Variants in MDGA2 observed in about 807,000 individuals in gnomAD.
MDGA2 encodes MAM domain-containing glycosylphosphatidylinositol anchor protein 2.
In MDGA2, 40 loss-of-function variants were observed where a neutral mutation model predicts 117.8. The ratio of observed to expected loss-of-function variants is 0.34; its 90% CI spans 0.26 to 0.44. MDGA2 has a LOEUF of 0.44. Among genes scored for constraint, MDGA2 ranks in the 20% least tolerant of loss-of-function variants. MDGA2 has a pLI of 1.00. For missense variants in MDGA2, 1,123 were observed against 1,250.6 expected (o/e 0.90, Z 1.54); for synonymous variants, 452 against 439.0 (o/e 1.03, Z -0.37).
intron 1 of MDGA2, among the ~76,000 whole-genome samples, chr14:47,404,343 G>T (rs1231543266): frequency 6.6e-6 from 1 of 151,908 alleles, no homozygotes; most frequent in Non-Finnish European, 1.5e-5. Flanking sequence ...GCACCGCCAT[G>T]CCCAGCTGAT....
chr14:47,265,856 C>T (rs1347534898), intron 2 of MDGA2, among the ~76,000 whole-genome samples: 1 of 152,050 alleles, frequency 6.6e-6, no homozygotes, highest in Non-Finnish European at 1.5e-5. Flanking sequence ...ATTTTCCAAT[C>T]AAGCTCTCTT....
intron 1 of MDGA2, among the ~76,000 whole-genome samples, chr14:47,553,684 T>C (rs910305509): frequency 6.6e-6 from 1 of 152,164 alleles, no homozygotes; most frequent in Non-Finnish European, 1.5e-5. Flanking sequence ...TGTAATGTAT[T>C]TATATATGTG....
chr14:46,888,876 T>C (rs1882769428), intron 10 of MDGA2, among the ~76,000 whole-genome samples: 1 of 151,974 alleles, frequency 6.6e-6, no homozygotes, highest in Non-Finnish European at 1.5e-5. Flanking sequence ...CTATAAAAGA[T>C]TGATATATCC....
Position 46,855,670 on chromosome 14 carries a change from C to A in MDGA2, c.2753-516G>T, listed in dbSNP as rs1881241439. Among the ~76,000 whole-genome samples, 1 of 151,988 alleles carries A rather than the reference C, an allele frequency of 6.6e-6. No homozygotes were observed. The highest frequency in any genetic ancestry group is 1.5e-5 in the Non-Finnish European group (1 of 67,976). Reference sequence around the variant, plus strand: ...ACATCTTGATTTTAGGCCCAGAATGCTTTTTTTAAATTTCTGTTCTCCAGA... The same window carrying A: ...ACATCTTGATTTTAGGCCCAGAATGATTTTTTTAAATTTCTGTTCTCCAGA... On this transcript the variant is annotated intron_variant, in intron 14 of 16. Coordinates refer to ENST00000399232, the MANE Select transcript of MDGA2 (RefSeq NM_001113498.3). The surrounding 1 kb of genome is among the most constrained non-coding windows in gnomAD (Gnocchi z 4.1).
At chr14:47,355,250 C>A (rs1458936534) in intron 1 of MDGA2, among the ~76,000 whole-genome samples, 1 of 152,126 alleles carries the variant, frequency 6.6e-6, no homozygotes, top group Middle Eastern at 3.2e-3. Context: ...ATGATCAGCC[C>A]TGAATGAGGA....
intron 1 of MDGA2, among the ~76,000 whole-genome samples, chr14:47,369,617 G>A (rs764943050): frequency 3.7e-4 from 57 of 152,166 alleles, no homozygotes; most frequent in Non-Finnish European, 6.6e-4. Flanking sequence ...GTGTCATAGT[G>A]ACAGATGAAA....
intron 2 of MDGA2, among the ~76,000 whole-genome samples, chr14:47,241,259 C>T (rs1887029675): frequency 6.6e-6 from 1 of 151,926 alleles, no homozygotes; most frequent in Non-Finnish European, 1.5e-5. Context: ...AAAGCTAAGT[C>T]TGTGCTTTAT....
intron 1 of MDGA2, among the ~76,000 whole-genome samples, chr14:47,599,622 G>A (rs898883576): frequency 6.6e-6 from 1 of 152,060 alleles, no homozygotes; most frequent in Non-Finnish European, 1.5e-5. Context: ...TACATTTTGC[G>A]AGTTTCTGGT....
chr14:47,146,438 T>C (rs139775272), intron 3 of MDGA2, among the ~76,000 whole-genome samples: 36 of 152,348 alleles, frequency 2.4e-4, no homozygotes, highest in Non-Finnish European at 4.4e-4. Flanking sequence ...CGATATATGC[T>C]GTCTGGTTTT....
chr14:47,159,475 C>T (rs1428488832), intron 3 of MDGA2, among the ~76,000 whole-genome samples: 3 of 152,184 alleles, frequency 2.0e-5, no homozygotes, highest in African/African-American at 7.2e-5. Flanking sequence ...TGTCTCTAAA[C>T]TCCCATTAAT....
chr14:47,367,472 T>C (rs1891255737), intron 1 of MDGA2, among the ~76,000 whole-genome samples: 1 of 152,230 alleles, frequency 6.6e-6, no homozygotes, highest in Non-Finnish European at 1.5e-5. Flanking sequence ...TCTATTTTCC[T>C]ATAAAGTAAT....
chr14:46,913,894 A>T (rs376893077), intron 10 of MDGA2, among the ~76,000 whole-genome samples: 1 of 152,044 alleles, frequency 6.6e-6, no homozygotes, highest in South Asian at 2.1e-4. Flanking sequence ...ATCAAATTTT[A>T]TTGACTGAAT....
At chr14:46,993,451 A>AT (rs1305828989) in intron 8 of MDGA2, among the ~76,000 whole-genome samples, 1 of 130,440 alleles carries the variant, frequency 7.7e-6, no homozygotes, top group Non-Finnish European at 1.8e-5. Context: ...CTTTTTTTCT[A>AT]TTTTTTTGGG....
intron 8 of MDGA2, among the ~76,000 whole-genome samples, chr14:46,994,154 G>A (rs937298822): frequency 6.6e-6 from 1 of 152,038 alleles, no homozygotes; most frequent in South Asian, 2.1e-4. Flanking sequence ...AATACTCTGC[G>A]CATATTGTCA....
intron 1 of MDGA2, among the ~76,000 whole-genome samples, chr14:47,429,277 G>GAGAT (rs140590564): frequency 6.0e-5 from 9 of 149,534 alleles, no homozygotes; most frequent in African/African-American, 1.2e-4. Context: ...CAAATATGAA[G>GAGAT]ATATATATAT....
chr14:47,382,536 T>C (rs1891660506), intron 1 of MDGA2, among the ~76,000 whole-genome samples: 2 of 152,112 alleles, frequency 1.3e-5, no homozygotes, highest in African/African-American at 4.8e-5. Context: ...CATCAAAAAG[T>C]GGGTGAAGGA....
At chr14:46,880,103 G>A (rs1882384642) in intron 11 of MDGA2, among the ~76,000 whole-genome samples, 1 of 152,014 alleles carries the variant, frequency 6.6e-6, no homozygotes, top group Non-Finnish European at 1.5e-5. Flanking sequence ...TGAAGTGGGT[G>A]GATCACCTGA....
chr14:47,079,149 TAAAA>T (rs1890607628), intron 6 of MDGA2, among the ~76,000 whole-genome samples: 3 of 152,174 alleles, frequency 2.0e-5, no homozygotes, highest in African/African-American at 7.2e-5. Context: ...AATTCCTTAA[TAAAA>T]TACCCTTTGT....
At chr14:47,256,123 G>C (rs1887610330) in intron 2 of MDGA2, among the ~76,000 whole-genome samples, 2 of 138,134 alleles carry the variant, frequency 1.4e-5, no homozygotes, top group Admixed American at 7.5e-5. Context: ...CTGAAGCCCT[G>C]ATCTTATATC....
Sources: gnomAD v4.1 joint callset for allele counts (sites outside exome capture counted in the v4.1 genomes callset) on GRCh38, gnomAD v4.1.1 for gene constraint, Gnocchi (gnomAD v3.1) non-coding constraint, MANE v1.5 for transcripts, NCBI Gene and HGNC (gene_info 2026-07-23, HGNC 2026-07-21) for gene names.